The following IL1F10 variants were observed in gnomAD, a reference collection of about 807,000 sequenced individuals.
IL1F10 encodes interleukin 1 family member 10.
IL1F10 carries 13 observed loss-of-function variants against 13.1 expected under a neutral mutation model. The observed-to-expected ratio is 0.99, with a 90% CI of 0.64 to 1.57. The LOEUF is 1.57. Among genes scored for constraint, IL1F10 ranks in the 40% most tolerant of loss-of-function variants. IL1F10 has a pLI of 0.00. For missense variants in IL1F10, 191 were observed against 184.1 expected (o/e 1.04, Z -0.22); for synonymous variants, 78 against 68.2 (o/e 1.14, Z -0.71).
At chr2:113,068,305 C>A (rs144380267) in intron 1 of IL1F10, among the ~76,000 whole-genome samples, 1 of 151,268 alleles carries the variant, frequency 6.6e-6, no homozygotes, top group East Asian at 2.0e-4. Context: ...GTATTCAAAC[C>A]GTGTTTGGTG....
At chr2:113,072,483 A>G in intron 1 of IL1F10, 1 of 488,174 alleles carries the variant, frequency 2.0e-6, no homozygotes, top group Non-Finnish European at 3.7e-6. Flanking sequence ...CCAGGCTCAC[A>G]CCCCTGGTGG....
chr2:113,072,399 G>T, intron 1 of IL1F10: 2 of 258,984 alleles, frequency 7.7e-6, no homozygotes, highest in Non-Finnish European at 1.5e-5. Flanking sequence ...TCTCAGGGCT[G>T]GGAATTGTTG....
At chr2:113,074,305 A>G (rs774629677) in intron 2 of IL1F10, 24 bp from the exon 3 acceptor site, 11 of 1,498,412 alleles carry the variant, frequency 7.3e-6, no homozygotes, top group Non-Finnish European at 1.0e-5. Flanking sequence ...GGAATGGGCC[A>G]TCAGCACTGT....
intron 2 of IL1F10, 139 bp from the exon 3 acceptor site, chr2:113,074,190 C>A: frequency 1.5e-6 from 1 of 647,848 alleles, no homozygotes; most frequent in Non-Finnish European, 2.9e-6. Context: ...TGGGAGTGAC[C>A]ATTCCCCTCT....
intron 1 of IL1F10, among the ~76,000 whole-genome samples, chr2:113,071,740 T>C (rs1331899987): frequency 6.6e-6 from 1 of 152,226 alleles, no homozygotes; most frequent in Non-Finnish European, 1.5e-5. Flanking sequence ...AGCATCTCTC[T>C]ATTCCTCCCT....
chr2:113,074,618 C>T (rs780180177), intron 3 of IL1F10, 105 bp from the exon 4 acceptor site: 2 of 1,413,234 alleles, frequency 1.4e-6, no homozygotes, highest in East Asian at 2.3e-5. Flanking sequence ...AGGGCCAGGC[C>T]AGGTGTGCCC....
chr2:113,072,514 C>T (rs962794693), intron 1 of IL1F10, 197 bp from the exon 2 acceptor site: 46 of 528,670 alleles, frequency 8.7e-5, no homozygotes, highest in Non-Finnish European at 6.4e-5. Context: ...TCCCGGATAG[C>T]CTCAGTCAGG....
In IL1F10 at chr2:113,075,530, T is replaced by C. The variant is rs1420157403; in HGVS notation, c.*166T>C. The C allele has an allele frequency of 8.6e-6, 4 of 466,872 alleles. No homozygotes were observed. Among genetic ancestry groups the C allele is most frequent in the Admixed American group, 3.8e-5 (1 of 26,144 alleles). 28.9% of individuals were successfully genotyped at this position (466,872 alleles called of 1,614,324 possible). A position where few individuals can be genotyped will look rare whatever the true frequency, so the allele number is the denominator to read the frequency against. ...CAAAGAGGTTTTGCAAATGTGATTA[T>C]GTTAAGGATCTTGAAATGAGGAGAC... On this transcript the variant is annotated 3_prime_UTR_variant, in exon 5 of 5. Coordinates refer to ENST00000341010, the MANE Select transcript of IL1F10 (RefSeq NM_173161.3).
intron 1 of IL1F10, among the ~76,000 whole-genome samples, chr2:113,070,846 AT>A (rs1685822696): frequency 6.6e-6 from 1 of 152,202 alleles, no homozygotes; most frequent in Non-Finnish European, 1.5e-5. Context: ...GAAGAATGGA[AT>A]GAAAGTACAC....
At chr2:113,073,233 C>G (rs948001777) in intron 2 of IL1F10, among the ~76,000 whole-genome samples, 1 of 152,244 alleles carries the variant, frequency 6.6e-6, no homozygotes, top group African/African-American at 2.4e-5. Flanking sequence ...TACATTTCAT[C>G]TCATTTGAGA....
In IL1F10 at chr2:113,072,786, A is replaced by C; in HGVS notation, c.32+16A>C. 1 of 1,610,980 alleles carries C rather than the reference A, an allele frequency of 6.2e-7. No homozygotes were observed. ...GATACTACATGTAAGTTGTCCTGGC[A>C]TGTCCCTGCTTTCCAAGCCAGGGGG... On this transcript the variant is annotated intron_variant, in intron 2 of 4. Transcript: ENST00000341010.
intron 1 of IL1F10, among the ~76,000 whole-genome samples, chr2:113,070,411 G>C (rs1685816398): frequency 6.6e-6 from 1 of 152,218 alleles, no homozygotes; most frequent in South Asian, 2.1e-4. Flanking sequence ...GATCCAGCTG[G>C]ACTGGACCAG....
At chr2:113,072,794 G>A (rs536900277) in intron 2 of IL1F10, 24 bp downstream of exon 2, 55 of 1,606,804 alleles carry the variant, frequency 3.4e-5, no homozygotes, top group Non-Finnish European at 4.7e-5. Context: ...GCATGTCCCT[G>A]CTTTCCAAGC....
At chr2:113,069,784 C>T (rs554309347) in intron 1 of IL1F10, among the ~76,000 whole-genome samples, 46 of 152,292 alleles carry the variant, frequency 3.0e-4, no homozygotes, top group Non-Finnish European at 4.0e-4. Context: ...CCTTGTTAGC[C>T]TTAGGGGTGG....
At chr2:113,071,942 C>T (rs1404481396) in intron 1 of IL1F10, among the ~76,000 whole-genome samples, 1 of 152,188 alleles carries the variant, frequency 6.6e-6, no homozygotes, top group East Asian at 1.9e-4. Context: ...GGGTTTATTT[C>T]CATGCTAAAT....
In IL1F10 at chr2:113,074,828, A is replaced by T; in HGVS notation, c.224A>T (p.Glu75Val). Residue 75 changes from glutamate to valine, a missense_variant, in exon 4 of 5, where the codon GAG becomes GTG. Transcript: ENST00000341010. Reference sequence around the variant, plus strand: ...TGCCTGGCATGTGTGGAGACAGAAGAGGGGCCTTCCCTACAGCTGGAGGTG... The same window carrying T: ...TGCCTGGCATGTGTGGAGACAGAAGTGGGGCCTTCCCTACAGCTGGAGGTG... The part of the protein sequence containing the change: ...SRCLACVETE[E>V]GPSLQLEDVN... The T allele has an allele frequency of 6.2e-7, 1 of 1,612,628 alleles. No homozygotes were observed. Among genetic ancestry groups the T allele is most frequent in the Non-Finnish European group, 8.5e-7 (1 of 1,179,950 alleles).
At chr2:113,072,559 T>G in intron 1 of IL1F10, 152 bp from the exon 2 acceptor site, 1 of 577,570 alleles carries the variant, frequency 1.7e-6, no homozygotes. Context: ...GCTGGGCTGG[T>G]GGAAGCCTTG....
chr2:113,074,759 G>A lies in IL1F10; in HGVS notation c.155G>A (p.Arg52His), dbSNP rs142851873. 112 of 1,613,464 alleles carry A rather than the reference G, an allele frequency of 6.9e-5. No homozygotes were observed. Among genetic ancestry groups the A allele is most frequent in the African/African-American group, 3.2e-4 (24 of 75,008 alleles). ...ICILPNRGLARTKVPIFLGIQ... is the reference protein window; with the variant it reads ...ICILPNRGLAHTKVPIFLGIQ... ...ATACTTCCTAACAGAGGCTTGGCCCGCACCAAGGTCCCCATTTTCCTGGGG... is the reference window on the plus strand; with the variant it reads ...ATACTTCCTAACAGAGGCTTGGCCCACACCAAGGTCCCCATTTTCCTGGGG... The change falls in exon 4 of 5, where the codon CGC becomes CAC. Residue 52 changes from arginine (R) to histidine (H), a missense_variant. Transcript: ENST00000341010.
Position 113,075,510 on chromosome 2 carries a change from AG to A in IL1F10, c.*148del, listed in dbSNP as rs1685925216. The A allele has an allele frequency of 1.9e-6, 1 of 522,988 alleles. No homozygotes were observed. The highest frequency in any genetic ancestry group is 3.2e-6 in the Non-Finnish European group (1 of 309,592). 32.4% of individuals were successfully genotyped at this position (522,988 alleles called of 1,614,324 possible). A position where few individuals can be genotyped will look rare whatever the true frequency, so the allele number is the denominator to read the frequency against. On this transcript the variant is annotated 3_prime_UTR_variant, in exon 5 of 5. Transcript: ENST00000341010. ...CATATGTTACCATACATGTCCAAAG[AG>A]GTTTTGCAAATGTGATTATGTTAAG... is the stretch of plus-strand genomic sequence containing the variant.
Sources: allele counts gnomAD v4.1 joint callset (sites outside exome capture counted in the v4.1 genomes callset), GRCh38; gene constraint gnomAD v4.1.1; transcripts MANE v1.5; gene names NCBI Gene and HGNC (gene_info 2026-07-23, HGNC 2026-07-21).